The following AATK variants were observed in gnomAD, a reference collection of about 807,000 sequenced individuals.
The protein encoded by AATK is serine/threonine-protein kinase LMTK1.
AATK carries 91 observed loss-of-function variants against 114.3 expected under a neutral mutation model. That is an observed-to-expected ratio of 0.80 (90% CI 0.67 to 0.95). The LOEUF is 0.95. AATK is among the 40% of genes least tolerant of loss of function. AATK has a pLI of 0.00. For synonymous variants in AATK, 1,075 were observed against 916.5 expected, an observed-to-expected ratio of 1.17 and a Z score of -3.12; for missense variants, 2,176 against 1,965.2, an observed-to-expected ratio of 1.11 and a Z score of -2.03.
chr17:81,127,436 C>CTGGAAGGT, intron 6 of AATK, 147 bp downstream of exon 6: 1 of 784,048 alleles, frequency 1.3e-6, no homozygotes. Flanking sequence ...ATCGCCTCCT[C>CTGGAAGGT]TGGAAGGTGG....
chr17:81,138,432 CAA>C (rs2061059074), intron 1 of AATK, among the ~76,000 whole-genome samples: 1 of 134,508 alleles, frequency 7.4e-6, no homozygotes, highest in South Asian at 2.6e-4. Context: ...CATACACATG[CAA>C]ACACACCCAC....
intron 1 of AATK, among the ~76,000 whole-genome samples, chr17:81,137,878 G>A (rs1221630605): frequency 3.3e-5 from 5 of 151,122 alleles, no homozygotes; most frequent in East Asian, 2.0e-4. Flanking sequence ...ACCCATACCC[G>A]CACAGGCATA....
rs1033259342 is a variant in AATK at position 81,126,913 on chromosome 17, A to G, written c.622-353T>C. 57 of 1,036,714 alleles carry G rather than the reference A, an allele frequency of 5.5e-5. No homozygotes were observed. In the South Asian group the frequency reaches 1.5e-3, roughly 28 times the overall value. 64.2% of individuals were successfully genotyped at this position (1,036,714 alleles called of 1,614,324 possible). A position where few individuals can be genotyped will look rare whatever the true frequency, so the allele number is the denominator to read the frequency against. On this transcript the variant is annotated intron_variant, in intron 6 of 13. Transcript: ENST00000326724. This position sits in a 1 kb window ranked among gnomAD's most constrained non-coding sequence, Gnocchi z 5.1. ...TTGGCCGGCAGCCCCTGACCTGCCG[A>G]AAGCCCAGCCCCGGGACGGTCAACG...
rs909425747 is a variant in AATK at position 81,160,157 on chromosome 17, G to A, written c.55+5781C>T. The A allele has an allele frequency of 5.9e-6, 4 of 673,616 alleles. No homozygotes were observed. The African/African-American group carries it at 7.8e-5, about 13-fold the overall frequency. The allele number at this position is 673,616 out of a possible 1,614,324, so 41.7% of individuals were successfully genotyped here. ...CGCTGGCAGGGTCCCTGCAGGAGCA[G>A]GAGTCTCCTGGCCACGGCCCCCACC... On this transcript the variant is annotated intron_variant, in intron 1 of 13. Transcript: ENST00000326724.
At chr17:81,128,334 G>C (rs1269230899) in intron 4 of AATK, 136 bp downstream of exon 4, 3 of 1,123,952 alleles carry the variant, frequency 2.7e-6, no homozygotes, top group Non-Finnish European at 3.9e-6. Context: ...ACCTCCCTGG[G>C]GAAGGGTCCA....
intron 1 of AATK, among the ~76,000 whole-genome samples, chr17:81,151,295 A>C (rs59750634): frequency 0.84 from 109,258 of 130,828 alleles, 45,309 homozygotes; most frequent in East Asian, 0.97. Flanking sequence ...TGTCTCCCCC[A>C]CCGACCCCTC....
At chr17:81,134,810 G>A (rs925703827) in intron 1 of AATK, among the ~76,000 whole-genome samples, 4 of 152,230 alleles carry the variant, frequency 2.6e-5, no homozygotes, top group African/African-American at 9.6e-5. Flanking sequence ...GGTCTCAGGG[G>A]CTACAGGGGG....
intron 1 of AATK, among the ~76,000 whole-genome samples, chr17:81,140,714 ACCGTGGGGCTGTGAG>A (rs1169609744): frequency 3.3e-5 from 2 of 60,534 alleles, no homozygotes; most frequent in African/African-American, 7.4e-5. Flanking sequence ...GGGCGGTGAG[ACCGTGGGGCTGTGAG>A]CCGTGGGGCC....
chr17:81,118,988 C>G (rs971659637), intron 13 of AATK, among the ~76,000 whole-genome samples: 2 of 152,196 alleles, frequency 1.3e-5, no homozygotes, highest in East Asian at 3.9e-4. Context: ...AGGCCCCCAG[C>G]AGGGCTCCAC....
Position 81,120,760 on chromosome 17 carries a change from A to G in AATK, c.3176T>C (p.Leu1059Pro), listed in dbSNP as rs756810980. ...GSGPGEVLPP[L>P]LQLEGSSPEP... ...TGGGGAGGACCCTTCAAGCTGCAGC[A>G]GTGGGGGCAGCACCTCCCCGGGGCC... Residue 1059 changes from leucine (L) to proline (P), a missense_variant, in exon 11 of 14, where the codon CTG (leucine) becomes CCG (proline). By Grantham distance (98) the Leu-to-Pro change is moderately conservative (BLOSUM62 -3). Coordinates refer to ENST00000326724, the MANE Select transcript of AATK (RefSeq NM_001080395.3). 3.8e-6 allele frequency: 6 copies of G among 1,575,552 alleles called. No homozygotes were observed. The highest frequency in any genetic ancestry group is 1.7e-4 in the Middle Eastern group (1 of 5,906).
rs1300297233 is a variant in AATK, at chr17:81,122,641, C to T, written c.1295G>A (p.Gly432Glu). 22 of 1,435,872 alleles carry T rather than the reference C, an allele frequency of 1.5e-5. No individual in the cohort carries two copies. The highest frequency in any genetic ancestry group is 3.0e-5 in the African/African-American group (2 of 66,336). 88.9% of individuals were successfully genotyped at this position (1,435,872 alleles called of 1,614,324 possible). The change falls in exon 11 of 14, where the codon GGG (glycine) becomes GAG (glutamate). Residue 432 changes from glycine to glutamate, a missense_variant. Gly to Glu is a moderately conservative substitution (Grantham distance 98, BLOSUM62 -2). Around this residue, in one of 4 missense-constraint regions of AATK, gnomAD observed 1,701 missense variants for 1,394.7 expected, o/e 1.22. Coordinates refer to ENST00000326724, the MANE Select transcript of AATK (RefSeq NM_001080395.3). ...CTCCACCACGCCGCCCAGCATGGGC[C>T]CCGCCGCACCGGGCCCGGGCCCCAC... is the stretch of plus-strand genomic sequence containing the variant. Reference protein sequence around the residue: ...GGVGPGPGAAGPMLGGVVELA... With the variant: ...GGVGPGPGAAEPMLGGVVELA...
At chr17:81,130,643 C>T (rs1478039660) in intron 3 of AATK, among the ~76,000 whole-genome samples, 1 of 152,252 alleles carries the variant, frequency 6.6e-6, no homozygotes, top group East Asian at 1.9e-4. Context: ...AATCTGGGGT[C>T]AAGCATCCCT....
intron 1 of AATK, among the ~76,000 whole-genome samples, chr17:81,158,601 T>C (rs2061394774): frequency 6.6e-6 from 1 of 152,148 alleles, no homozygotes; most frequent in African/African-American, 2.4e-5. Flanking sequence ...GCCCCGAGCC[T>C]GGCTCCCACA....
intron 1 of AATK, among the ~76,000 whole-genome samples, chr17:81,141,246 T>G (rs2061133944): frequency 6.6e-6 from 1 of 152,112 alleles, no homozygotes; most frequent in Non-Finnish European, 1.5e-5. Flanking sequence ...GGTTAGGAGT[T>G]CAAGACCAGC....
intron 1 of AATK, among the ~76,000 whole-genome samples, chr17:81,137,485 G>A (rs1370586651): frequency 6.6e-6 from 1 of 152,032 alleles, no homozygotes; most frequent in Non-Finnish European, 1.5e-5. Context: ...ACAGCCGAGT[G>A]CACCCACCGC....
chr17:81,132,135 C>G (rs1266379959), intron 2 of AATK: 1 of 818,996 alleles, frequency 1.2e-6, no homozygotes, highest in Non-Finnish European at 1.7e-6. Context: ...CTGGGCCCAG[C>G]TGAAAGCAAT....
At position 81,147,963 on chromosome 17, in the gene AATK, C is replaced by G. The variant is rs796496960; in HGVS notation, c.56-13462G>C. The stretch of plus-strand genomic sequence containing the variant: ...AGATGTTAGAATTAGTGAAATTACA[C>G]ACGGTCACCATGCGCCGTTTGGTTC... On this transcript the variant is annotated intron_variant, in intron 1 of 13. Coordinates refer to ENST00000326724, the MANE Select transcript of AATK (RefSeq NM_001080395.3). Among the ~76,000 whole-genome samples the G allele has an allele frequency of 2.7e-5, 4 of 150,044 alleles. No individual in the cohort carries two copies. The South Asian group carries it at 8.4e-4, about 31-fold the overall frequency.
intron 2 of AATK, 44 bp from the exon 3 acceptor site, chr17:81,131,249 G>A (rs753292504): frequency 1.9e-5 from 29 of 1,529,538 alleles, no homozygotes; most frequent in Middle Eastern, 1.7e-4. Context: ...CGCAGGTCAA[G>A]GAAGGGTGTG....
At chr17:81,148,726 G>A (rs945677483) in intron 1 of AATK, among the ~76,000 whole-genome samples, 1 of 152,100 alleles carries the variant, frequency 6.6e-6, no homozygotes, top group African/African-American at 2.4e-5. Flanking sequence ...ACACACACAC[G>A]TGCTCTCAGA....
Sources: gnomAD v4.1 joint callset for allele counts (sites outside exome capture counted in the v4.1 genomes callset) on GRCh38, gnomAD v4.1.1 for gene constraint, gnomAD v4.1.1 regional missense constraint, Gnocchi (gnomAD v3.1) non-coding constraint, MANE v1.5 for transcripts, NCBI Gene and HGNC (gene_info 2026-07-23, HGNC 2026-07-21) for gene names.